The following FRMD3 variants were observed in gnomAD, a reference collection of about 807,000 sequenced individuals.
FRMD3 encodes FERM domain containing 3, also known as FERM domain-containing protein 3.
Under a neutral mutation model 70.2 loss-of-function variants are expected in FRMD3, and 33 were observed. That is an observed-to-expected ratio of 0.47 (90% CI 0.36 to 0.63). FRMD3 has a LOEUF of 0.63. Ranked by LOEUF, FRMD3 falls within the 20% of genes least tolerant of loss-of-function variation. The pLI is 0.00. For synonymous variants in FRMD3, 279 were observed against 255.9 expected (o/e 1.09, Z -0.86); for missense variants, 632 against 711.4 (o/e 0.89, Z 1.27).
chr9:83,442,198 G>T (rs11140090), intron 1 of FRMD3, among the ~76,000 whole-genome samples: 43,459 of 150,616 alleles, frequency 0.29, 6,257 homozygotes, highest in South Asian at 0.32. Context: ...AGAGCTTTGT[G>T]TACATTCAAT....
At chr9:83,276,512 G>A (rs1231429629) in intron 13 of FRMD3, 1 of 152,198 alleles carries the variant, frequency 6.6e-6, no homozygotes, top group Non-Finnish European at 1.5e-5. Context: ...AGGCTCTTCT[G>A]GAACTGTGGG....
chr9:83,470,506 C>T (rs1468840486), intron 1 of FRMD3, among the ~76,000 whole-genome samples: 7 of 152,150 alleles, frequency 4.6e-5, no homozygotes, highest in African/African-American at 7.2e-5. Flanking sequence ...GCCTAGTAAA[C>T]GTTTATTTGT....
the FRMD3 span, among the ~76,000 whole-genome samples, chr9:83,553,167 G>A: frequency 6.6e-6 from 1 of 152,186 alleles, no homozygotes; most frequent in Non-Finnish European, 1.5e-5. Context: ...AGGCAGGTCT[G>A]GTGATAATGA....
chr9:83,577,612 A>G, the FRMD3 span, among the ~76,000 whole-genome samples: 1 of 152,016 alleles, frequency 6.6e-6, no homozygotes, highest in African/African-American at 2.4e-5. Context: ...CGGAGAAAAC[A>G]TAGGTAGAAA....
At chr9:83,290,829 C>G in intron 12 of FRMD3, 102 bp from the exon 13 acceptor site, 14 of 1,212,418 alleles carry the variant, frequency 1.2e-5, no homozygotes, top group Non-Finnish European at 1.5e-5. Flanking sequence ...CTACAGGGAA[C>G]TACCTCCAGA....
chr9:83,578,555 C>A, the FRMD3 span, among the ~76,000 whole-genome samples: 3 of 151,802 alleles, frequency 2.0e-5, no homozygotes, highest in African/African-American at 7.3e-5. Context: ...ACCACATTTA[C>A]AAAATGAAGT....
intron 1 of FRMD3, among the ~76,000 whole-genome samples, chr9:83,414,679 C>G (rs893471926): frequency 3.3e-5 from 5 of 152,148 alleles, no homozygotes; most frequent in Non-Finnish European, 5.9e-5. Context: ...GAGCAAAAGA[C>G]TTGAACAGGT....
At chr9:83,424,868 C>T (rs976453429) in intron 1 of FRMD3, among the ~76,000 whole-genome samples, 22 of 152,188 alleles carry the variant, frequency 1.4e-4, no homozygotes, top group African/African-American at 3.6e-4. Flanking sequence ...AACTCTCAGA[C>T]GAAGTAAGAA....
Position 83,452,272 on chromosome 9 carries a change from G to A in FRMD3, c.148-62564C>T, listed in dbSNP as rs116968413. ...ATCTATACTCAGAATGAGTTGGCCC[G>A]ATCTCTTTGTAGTTCACAAGCATGG... On this transcript the variant is annotated intron_variant, in intron 1 of 13. Coordinates refer to ENST00000304195, the MANE Select transcript of FRMD3 (RefSeq NM_174938.6). Among the ~76,000 whole-genome samples, 698 of 152,242 alleles carry A rather than the reference G, an allele frequency of 4.6e-3. 7 individuals are homozygous for A. Among genetic ancestry groups the A allele is most frequent in the South Asian group, 0.022 (106 of 4,816 alleles).
intron 13 of FRMD3, among the ~76,000 whole-genome samples, chr9:83,266,008 C>T (rs911182672): frequency 6.6e-6 from 1 of 151,930 alleles, no homozygotes; most frequent in Admixed American, 6.6e-5. Context: ...CTTTATATTA[C>T]CTAATATTAT....
chr9:83,453,380 T>G (rs1827724288), intron 1 of FRMD3, among the ~76,000 whole-genome samples: 1 of 152,186 alleles, frequency 6.6e-6, no homozygotes, highest in Non-Finnish European at 1.5e-5. Flanking sequence ...AAAAAAAATC[T>G]AACATAGAAA....
At position 83,536,930 on chromosome 9, in the gene FRMD3, T is replaced by TAAAAAAAAAAAAAAAA. The variant is rs142272516; in HGVS notation, c.147+1139_147+1154dup. Among the ~76,000 whole-genome samples the TAAAAAAAAAAAAAAAA allele has an allele frequency of 3.7e-3, 226 of 60,876 alleles. 33 individuals are homozygous for TAAAAAAAAAAAAAAAA. Among genetic ancestry groups the TAAAAAAAAAAAAAAAA allele is most frequent in the African/African-American group, 8.8e-3 (144 of 16,408 alleles). 39.9% of individuals were successfully genotyped at this position (60,876 alleles called of 152,430 possible). On this transcript the variant is annotated intron_variant, in intron 1 of 13. Transcript: ENST00000304195. The stretch of plus-strand genomic sequence containing the variant: ...ATGGGTGGTGTGCCCTGTATTACAC[T>TAAAAAAAAAAAAAAAA]AAAAAAAAAAAAAAAAAAAAAAAGC...
At chr9:83,423,477 C>G (rs908807181) in intron 1 of FRMD3, among the ~76,000 whole-genome samples, 4 of 151,978 alleles carry the variant, frequency 2.6e-5, no homozygotes, top group African/African-American at 9.7e-5. Context: ...ATAAGCAAAG[C>G]CTCCTAGAGT....
chr9:83,380,950 A>T (rs1340469976), intron 2 of FRMD3, among the ~76,000 whole-genome samples: 1 of 152,158 alleles, frequency 6.6e-6, no homozygotes, highest in Non-Finnish European at 1.5e-5. Flanking sequence ...CCCTAAAAAG[A>T]TGGCCTGATT....
the FRMD3 span, among the ~76,000 whole-genome samples, chr9:83,560,676 T>C: frequency 2.0e-5 from 3 of 152,260 alleles, no homozygotes; most frequent in African/African-American, 7.2e-5. Flanking sequence ...CTTATCAGAC[T>C]ACATGTGCCT....
At chr9:83,386,587 T>C (rs938754798) in intron 2 of FRMD3, among the ~76,000 whole-genome samples, 1 of 152,242 alleles carries the variant, frequency 6.6e-6, no homozygotes, top group African/African-American at 2.4e-5. Context: ...TTCACTCATC[T>C]TCCCCTAATG....
At chr9:83,454,533 C>T (rs1373982019) in intron 1 of FRMD3, among the ~76,000 whole-genome samples, 6 of 152,214 alleles carry the variant, frequency 3.9e-5, no homozygotes, top group Non-Finnish European at 8.8e-5. Context: ...AGGCCTTTTG[C>T]AAACGATGTA....
chr9:83,264,678 C>T (rs1833148486), intron 13 of FRMD3, among the ~76,000 whole-genome samples: 1 of 151,896 alleles, frequency 6.6e-6, no homozygotes, highest in African/African-American at 2.4e-5. Flanking sequence ...ACCTGACCTA[C>T]CTGATATTAA....
intron 1 of FRMD3, among the ~76,000 whole-genome samples, chr9:83,437,037 G>A (rs1442047815): frequency 6.6e-6 from 1 of 152,198 alleles, no homozygotes. Context: ...GTTCCACCAT[G>A]TAAAATCCAA....
Sources: gnomAD v4.1 joint callset for allele counts (sites outside exome capture counted in the v4.1 genomes callset) on GRCh38, gnomAD v4.1.1 for gene constraint, MANE v1.5 for transcripts, NCBI Gene and HGNC (gene_info 2026-07-23, HGNC 2026-07-21) for gene names.